The following TP63 variants were observed in gnomAD, a reference collection of about 807,000 sequenced individuals.
TP63 encodes the protein tumor protein 63.
Under a neutral mutation model 82.8 loss-of-function variants are expected in TP63, and 17 were observed. The ratio of observed to expected loss-of-function variants is 0.21; its 90% CI spans 0.14 to 0.31. TP63 has a LOEUF of 0.31. TP63 is among the 10% of genes least tolerant of loss of function. The probability of loss-of-function intolerance (pLI) is 1.00; values close to 1 mark genes in which losing one functional copy is unlikely to be tolerated. For missense variants in TP63, 648 were observed against 895.3 expected (o/e 0.72, Z 3.52); for synonymous variants, 330 against 321.7 (o/e 1.03, Z -0.28).
At chr3:189,754,114 C>T (rs774746281) in intron 3 of TP63, among the ~76,000 whole-genome samples, 1 of 152,070 alleles carries the variant, frequency 6.6e-6, no homozygotes, top group African/African-American at 2.4e-5. Flanking sequence ...CCAAAGCTAC[C>T]ATTTTGCCTG....
intron 3 of TP63, among the ~76,000 whole-genome samples, chr3:189,768,066 C>G (rs1224929338): frequency 6.6e-6 from 1 of 152,084 alleles, no homozygotes; most frequent in Non-Finnish European, 1.5e-5. Context: ...ATTTTAAGAA[C>G]TAGGTACTTC....
chr3:189,783,105 T>C (rs1724351881), intron 3 of TP63, among the ~76,000 whole-genome samples: 1 of 151,960 alleles, frequency 6.6e-6, no homozygotes, highest in South Asian at 2.1e-4. Flanking sequence ...TCGAAGCAAA[T>C]TGAATTCTCA....
chr3:189,712,573 A>C (rs982828142), intron 1 of TP63, among the ~76,000 whole-genome samples: 9 of 152,072 alleles, frequency 5.9e-5, no homozygotes, highest in Non-Finnish European at 1.3e-4. Context: ...TTTTTACAAG[A>C]GCACTAATCC....
chr3:189,808,149 A>T, intron 3 of TP63, 123 bp from the exon 4 acceptor site: 1 of 1,523,682 alleles, frequency 6.6e-7, no homozygotes, highest in Non-Finnish European at 9.1e-7. Flanking sequence ...TTTACTTTGA[A>T]TGTGAAGTGC....
chr3:189,777,003 T>C (rs1306959721), intron 3 of TP63, among the ~76,000 whole-genome samples: 1 of 152,198 alleles, frequency 6.6e-6, no homozygotes, highest in Non-Finnish European at 1.5e-5. Context: ...CTATACCTTT[T>C]CTTCAGGGAA....
chr3:189,666,149 C>T (rs975617877), intron 1 of TP63, among the ~76,000 whole-genome samples: 24 of 151,880 alleles, frequency 1.6e-4, no homozygotes, highest in Admixed American at 3.3e-4. Context: ...ACTTATCAAA[C>T]GTAATAAATA....
At chr3:189,791,622 A>T (rs988368097) in intron 3 of TP63, among the ~76,000 whole-genome samples, 1 of 152,130 alleles carries the variant, frequency 6.6e-6, no homozygotes, top group Non-Finnish European at 1.5e-5. Context: ...TCTGTAAAAA[A>T]CATGGCTGCA....
intron 4 of TP63, among the ~76,000 whole-genome samples, chr3:189,850,139 A>G (rs1715434888): frequency 6.6e-6 from 1 of 151,786 alleles, no homozygotes; most frequent in African/African-American, 2.4e-5. Flanking sequence ...AAAATTAGCC[A>G]GAAGTGGTGG....
chr3:189,650,162 T>C (rs1275401389), intron 1 of TP63, among the ~76,000 whole-genome samples: 1 of 145,976 alleles, frequency 6.9e-6, no homozygotes, highest in Non-Finnish European at 1.5e-5. Context: ...TTTCACAGCA[T>C]GGCATTACCT....
At chr3:189,843,376 G>A (rs980892234) in intron 4 of TP63, among the ~76,000 whole-genome samples, 7 of 152,196 alleles carry the variant, frequency 4.6e-5, no homozygotes, top group Admixed American at 3.3e-4. Flanking sequence ...CGGGAAGAAT[G>A]TGCCGCTCCC....
chr3:189,789,976 C>T, intron 3 of TP63: 5 of 786,028 alleles, frequency 6.4e-6, no homozygotes, highest in South Asian at 5.7e-5. Context: ...ATCTCCTTTT[C>T]TTGGTTAATG....
chr3:189,797,814 G>T (rs941814277), intron 3 of TP63, among the ~76,000 whole-genome samples: 2 of 151,868 alleles, frequency 1.3e-5, no homozygotes, highest in Non-Finnish European at 2.9e-5. Flanking sequence ...CAGAGAAGAG[G>T]GCTTTTCTGC....
At chr3:189,705,865 G>A (rs1462649709) in intron 1 of TP63, among the ~76,000 whole-genome samples, 1 of 152,146 alleles carries the variant, frequency 6.6e-6, no homozygotes. Flanking sequence ...GAGGGAGAAA[G>A]TATCAGTCTA....
intron 3 of TP63, among the ~76,000 whole-genome samples, chr3:189,763,984 T>C (rs928532746): frequency 2.0e-5 from 3 of 152,144 alleles, no homozygotes; most frequent in African/African-American, 7.2e-5. Flanking sequence ...AAAATAGGAA[T>C]ACTCTATAAC....
At chr3:189,781,188 TA>T (rs1186801181) in intron 3 of TP63, among the ~76,000 whole-genome samples, 8 of 152,156 alleles carry the variant, frequency 5.3e-5, no homozygotes, top group Non-Finnish European at 1.2e-4. Flanking sequence ...TTAAAAAATA[TA>T]GATAGCTACA....
intron 1 of TP63, among the ~76,000 whole-genome samples, chr3:189,685,773 A>G (rs1319924289): frequency 1.3e-5 from 2 of 152,244 alleles, no homozygotes; most frequent in Non-Finnish European, 2.9e-5. Context: ...ACGCAATTGT[A>G]TCTTTCCAGT....
chr3:189,712,224 A>G (rs1176793882), intron 1 of TP63, among the ~76,000 whole-genome samples: 1 of 152,208 alleles, frequency 6.6e-6, no homozygotes, highest in African/African-American at 2.4e-5. Flanking sequence ...ACTACTGCAC[A>G]AGGTAGAATT....
At chr3:189,690,758 C>G (rs757328835) in intron 1 of TP63, among the ~76,000 whole-genome samples, 1 of 152,152 alleles carries the variant, frequency 6.6e-6, no homozygotes, top group African/African-American at 2.4e-5. Flanking sequence ...TTTATAGAAT[C>G]CTTCTATTAA....
chr3:189,793,450 A>G (rs1725368753), intron 3 of TP63, among the ~76,000 whole-genome samples: 1 of 152,048 alleles, frequency 6.6e-6, no homozygotes, highest in Admixed American at 6.6e-5. Context: ...AACATTCCTC[A>G]ATGACTATGG....
Sources: gnomAD v4.1 joint callset for allele counts (sites outside exome capture counted in the v4.1 genomes callset) on GRCh38, gnomAD v4.1.1 for gene constraint, MANE v1.5 for transcripts, NCBI Gene and HGNC (gene_info 2026-07-23, HGNC 2026-07-21) for gene names.